Variants in CTNNBL1 observed in about 807,000 individuals in gnomAD.
CTNNBL1 encodes catenin beta like 1.
Under a neutral mutation model 72.7 loss-of-function variants are expected in CTNNBL1, and 31 were observed. The observed-to-expected ratio is 0.43, with a 90% CI of 0.32 to 0.58. CTNNBL1 has a LOEUF of 0.58. Ranked by LOEUF, CTNNBL1 falls within the 20% of genes least tolerant of loss-of-function variation. The pLI is 0.08. For missense variants in CTNNBL1, 534 were observed against 725.1 expected, an observed-to-expected ratio of 0.74 and a Z score of 3.03; for synonymous variants, 240 against 267.3, an observed-to-expected ratio of 0.90 and a Z score of 1.00.
intron 10 of CTNNBL1, among the ~76,000 whole-genome samples, chr20:37,789,231 G>A (rs910674815): frequency 1.3e-5 from 2 of 152,182 alleles, no homozygotes; most frequent in Admixed American, 6.5e-5. Context: ...ACTGAAAGGC[G>A]GAGAGGACCA....
At chr20:37,871,127 A>G (rs1399472938) in intron 15 of CTNNBL1, among the ~76,000 whole-genome samples, 2 of 152,072 alleles carry the variant, frequency 1.3e-5, no homozygotes, top group African/African-American at 2.4e-5. Context: ...GACTCAATAA[A>G]TCCCAGATCA....
intron 1 of CTNNBL1, among the ~76,000 whole-genome samples, chr20:37,707,695 CT>C (rs1252932817): frequency 1.3e-5 from 2 of 152,198 alleles, no homozygotes; most frequent in Non-Finnish European, 2.9e-5. Flanking sequence ...TTTTAATATC[CT>C]TCAAGAGCTT....
intron 1 of CTNNBL1, among the ~76,000 whole-genome samples, chr20:37,695,205 AT>A (rs754041479): frequency 6.6e-6 from 1 of 152,150 alleles, no homozygotes. Context: ...AATTTTTAAA[AT>A]TTTATTTTAT....
chr20:37,722,492 ATAAAT>A (rs1377428662), intron 1 of CTNNBL1, among the ~76,000 whole-genome samples: 1 of 150,228 alleles, frequency 6.7e-6, no homozygotes, highest in Non-Finnish European at 1.5e-5. Flanking sequence ...AAATAAATAA[ATAAAT>A]AAATAAATAA....
At chr20:37,772,777 T>G (rs2073537245) in intron 7 of CTNNBL1, among the ~76,000 whole-genome samples, 2 of 152,222 alleles carry the variant, frequency 1.3e-5, no homozygotes, top group South Asian at 4.1e-4. Flanking sequence ...CTCATATTTA[T>G]TCAGTAATCC....
chr20:37,763,460 A>G (rs2073436455), intron 5 of CTNNBL1, among the ~76,000 whole-genome samples: 1 of 152,176 alleles, frequency 6.6e-6, no homozygotes, highest in African/African-American at 2.4e-5. Flanking sequence ...GAGAGCCTAG[A>G]AAAATCTAAT....
At chr20:37,858,192 C>T (rs780861139) in intron 13 of CTNNBL1, among the ~76,000 whole-genome samples, 21 of 152,228 alleles carry the variant, frequency 1.4e-4, no homozygotes, top group Non-Finnish European at 2.4e-4. Flanking sequence ...AAGACCCTGT[C>T]TCAAACAAAC....
chr20:37,716,176 A>G (rs2122567222), intron 1 of CTNNBL1, among the ~76,000 whole-genome samples: 1 of 152,350 alleles, frequency 6.6e-6, no homozygotes, highest in South Asian at 2.1e-4. Context: ...CTTCCTGCCC[A>G]GCAAGGTATG....
At chr20:37,745,123 C>G (rs2073251357) in intron 3 of CTNNBL1, among the ~76,000 whole-genome samples, 2 of 152,086 alleles carry the variant, frequency 1.3e-5, no homozygotes, top group African/African-American at 2.4e-5. Context: ...AATATATAAG[C>G]ATATACTTAA....
At chr20:37,777,273 C>T (rs894275451) in intron 7 of CTNNBL1, 72 bp from the exon 8 acceptor site, 66 of 1,163,270 alleles carry the variant, frequency 5.7e-5, no homozygotes, top group Middle Eastern at 1.9e-4. Flanking sequence ...TCATAGTACT[C>T]GTGAAAAATT....
chr20:37,712,276 T>C (rs915740717), intron 1 of CTNNBL1, among the ~76,000 whole-genome samples: 1 of 152,196 alleles, frequency 6.6e-6, no homozygotes, highest in African/African-American at 2.4e-5. Flanking sequence ...CTGGAGAGAA[T>C]GAAGAAAGCA....
At chr20:37,860,417 A>G in intron 15 of CTNNBL1, 73 bp downstream of exon 15, 1 of 1,214,478 alleles carries the variant, frequency 8.2e-7, no homozygotes, top group Non-Finnish European at 1.2e-6. Flanking sequence ...CTCTGTCAGT[A>G]TCCCTGGTAT....
intron 2 of CTNNBL1, among the ~76,000 whole-genome samples, chr20:37,736,944 C>T (rs1281050418): frequency 6.6e-6 from 1 of 152,088 alleles, no homozygotes; most frequent in African/African-American, 2.4e-5. Context: ...TGTACTGTGG[C>T]CGGGCACAGT....
At chr20:37,785,134 C>T (rs2073661255) in intron 10 of CTNNBL1, among the ~76,000 whole-genome samples, 1 of 152,184 alleles carries the variant, frequency 6.6e-6, no homozygotes. Flanking sequence ...TGCTGCCAGA[C>T]ATATTGGAAC....
intron 15 of CTNNBL1, among the ~76,000 whole-genome samples, chr20:37,870,487 A>G (rs1280067822): frequency 6.6e-6 from 1 of 151,896 alleles, no homozygotes; most frequent in Non-Finnish European, 1.5e-5. Flanking sequence ...TTTCTTGGTG[A>G]TTGCAACATC....
At chr20:37,825,217 G>A (rs910155471) in intron 11 of CTNNBL1, among the ~76,000 whole-genome samples, 1 of 152,056 alleles carries the variant, frequency 6.6e-6, no homozygotes, top group African/African-American at 2.4e-5. Flanking sequence ...GTCGGGCATG[G>A]TGGCAGGCAC....
At chr20:37,737,510 T>C in intron 3 of CTNNBL1, 26 bp downstream of exon 3, 1 of 1,471,912 alleles carries the variant, frequency 6.8e-7, no homozygotes, top group Non-Finnish European at 9.4e-7. Context: ...ACTGATACCA[T>C]GTCTCCTCTG....
chr20:37,774,443 C>T (rs1007906666), intron 7 of CTNNBL1, among the ~76,000 whole-genome samples: 1 of 152,194 alleles, frequency 6.6e-6, no homozygotes, highest in Non-Finnish European at 1.5e-5. Context: ...TTGCAGAGCT[C>T]AGCGTTGGGG....
intron 13 of CTNNBL1, among the ~76,000 whole-genome samples, chr20:37,851,127 T>C (rs1181112072): frequency 6.6e-6 from 1 of 152,206 alleles, no homozygotes; most frequent in Non-Finnish European, 1.5e-5. Flanking sequence ...ACCTTGGCGC[T>C]ACACATACCA....
Sources: gnomAD v4.1 joint callset for allele counts (sites outside exome capture counted in the v4.1 genomes callset) on GRCh38, gnomAD v4.1.1 for gene constraint, MANE v1.5 for transcripts, NCBI Gene and HGNC (gene_info 2026-07-23, HGNC 2026-07-21) for gene names.